Variants in TM4SF4 observed in about 807,000 individuals in gnomAD.
The protein encoded by TM4SF4 is transmembrane 4 L six family member 4.
A neutral mutation model predicts 24.1 loss-of-function variants in TM4SF4; 24 were observed. The ratio of observed to expected loss-of-function variants is 1.00; its 90% CI spans 0.72 to 1.40. The LOEUF is 1.40. Among genes scored for constraint, TM4SF4 ranks in the 40% most tolerant of loss-of-function variants. The probability of loss-of-function intolerance (pLI) is 0.00; values close to 1 mark genes in which losing one functional copy is unlikely to be tolerated. For missense variants in TM4SF4, 254 were observed against 254.2 expected (o/e 1.00, Z 0.01); for synonymous variants, 113 against 97.0 (o/e 1.17, Z -0.97).
chr3:149,477,462 G>C (rs886756124), intron 2 of TM4SF4, among the ~76,000 whole-genome samples: 8 of 152,200 alleles, frequency 5.3e-5, no homozygotes, highest in African/African-American at 1.9e-4. Context: ...TTCCTAAAGG[G>C]AAAGGTGCAT....
chr3:149,502,192 G>A (rs1734440563), intron 4 of TM4SF4, among the ~76,000 whole-genome samples: 1 of 152,040 alleles, frequency 6.6e-6, no homozygotes, highest in East Asian at 1.9e-4. Flanking sequence ...ACTTGTTAGT[G>A]GTGGCTTTCC....
chr3:149,491,543 G>A (rs762911315), intron 3 of TM4SF4, among the ~76,000 whole-genome samples: 6 of 151,524 alleles, frequency 4.0e-5, no homozygotes, highest in Non-Finnish European at 7.4e-5. Flanking sequence ...ATCTACATAT[G>A]CACATATCTA....
chr3:149,498,949 G>A, intron 4 of TM4SF4, 38 bp downstream of exon 4: 12 of 1,608,772 alleles, frequency 7.5e-6, no homozygotes, highest in South Asian at 1.1e-5. Context: ...TCAGCATGAG[G>A]GAGGCCAGGT....
intron 2 of TM4SF4, among the ~76,000 whole-genome samples, chr3:149,480,800 G>A (rs1174374525): frequency 1.3e-5 from 2 of 151,846 alleles, no homozygotes; most frequent in African/African-American, 2.4e-5. Flanking sequence ...CTTTTTTCCA[G>A]ATGTTTTCTC....
intron 4 of TM4SF4, among the ~76,000 whole-genome samples, chr3:149,501,728 C>T (rs189852631): frequency 6.6e-6 from 1 of 152,346 alleles, no homozygotes; most frequent in Non-Finnish European, 1.5e-5. Context: ...AGCAAGCTGA[C>T]TAACTTCTCA....
At chr3:149,475,095 T>C (rs1733903830) in intron 1 of TM4SF4, 44 bp downstream of exon 1, 1 of 1,563,312 alleles carries the variant, frequency 6.4e-7, no homozygotes, top group Non-Finnish European at 8.6e-7. Context: ...GATTTTCCCT[T>C]CCCCACAATC....
At chr3:149,487,980 C>T (rs770431615) in intron 3 of TM4SF4, among the ~76,000 whole-genome samples, 2 of 152,202 alleles carry the variant, frequency 1.3e-5, no homozygotes, top group African/African-American at 4.8e-5. Context: ...TAAAAGAGGA[C>T]GGATGCCTCC....
intron 3 of TM4SF4, 43 bp from the exon 4 acceptor site, chr3:149,498,679 C>T (rs1376209731): frequency 6.3e-7 from 1 of 1,582,784 alleles, no homozygotes; most frequent in East Asian, 2.2e-5. Context: ...GGGAATTGCA[C>T]ACTTTTTACA....
intron 2 of TM4SF4, among the ~76,000 whole-genome samples, chr3:149,476,806 TTGTTTTTG>T (rs1560028138): frequency 1.6e-4 from 9 of 55,414 alleles, no homozygotes; most frequent in Non-Finnish European, 4.1e-4. Flanking sequence ...TTTTTTGTTT[TTGTTTTTG>T]TTTTTTTTTT....
At chr3:149,498,123 G>A (rs1011880391) in intron 3 of TM4SF4, among the ~76,000 whole-genome samples, 1 of 152,174 alleles carries the variant, frequency 6.6e-6, no homozygotes, top group African/African-American at 2.4e-5. Flanking sequence ...CAAAAATATA[G>A]TGAGTCAAAT....
chr3:149,491,216 T>C (rs1214480305), intron 3 of TM4SF4, among the ~76,000 whole-genome samples: 1 of 148,792 alleles, frequency 6.7e-6, no homozygotes, highest in Non-Finnish European at 1.5e-5. Flanking sequence ...GATGCTGAGG[T>C]GGAAGGATTG....
rs1733892766 is a variant in TM4SF4 at position 149,474,775 on chromosome 3, G to A, written c.-103G>A. The stretch of plus-strand genomic sequence containing the variant: ...TCAGCCCCAAAATACTGATTGAATT[G>A]GAGACAATTACAAGGACTCTCTGGC... On this transcript the variant is annotated 5_prime_UTR_variant, in exon 1 of 5. Coordinates refer to ENST00000305354, the MANE Select transcript of TM4SF4 (RefSeq NM_004617.4). 6.4e-6 allele frequency: 8 copies of A among 1,251,994 alleles called. No homozygotes were observed. The South Asian group carries it at 8.3e-5, about 13-fold the overall frequency. The allele number at this position is 1,251,994 out of a possible 1,614,324, so 77.6% of individuals were successfully genotyped here.
chr3:149,474,842 G>A lies in TM4SF4; in HGVS notation c.-36G>A, dbSNP rs1338534848. 4 of 1,575,896 alleles carry A rather than the reference G, an allele frequency of 2.5e-6. No individual in the cohort carries two copies. In the Admixed American group the frequency reaches 7.9e-5, roughly 31 times the overall value. ...GGCCCCGTGAAGGAGGCAGTGAGGA[G>A]CTTTTGATTGCTGACCTGTGTCGTA... On this transcript the variant is annotated 5_prime_UTR_variant, in exon 1 of 5. Coordinates refer to ENST00000305354, the MANE Select transcript of TM4SF4 (RefSeq NM_004617.4).
intron 4 of TM4SF4, among the ~76,000 whole-genome samples, chr3:149,499,389 G>A (rs527588552): frequency 3.3e-5 from 5 of 152,150 alleles, no homozygotes; most frequent in Admixed American, 3.3e-4. Flanking sequence ...AGAAAAAGAG[G>A]TAGTTCTTAT....
In TM4SF4 at chr3:149,484,783, A is replaced by G. The variant is rs540338818; in HGVS notation, c.265-2836A>G. Among the ~76,000 whole-genome samples, 398 of 152,086 alleles carry G rather than the reference A, an allele frequency of 2.6e-3. 2 individuals are homozygous for G. The highest frequency in any genetic ancestry group is 8.1e-3 in the African/African-American group (335 of 41,480). On this transcript the variant is annotated intron_variant, in intron 2 of 4. Transcript: ENST00000305354. Reference sequence around the variant, plus strand: ...TGGCCAGGCTGGTCTGGAACTCCTGACCTCGTGATCCACCAGCCTCGGCCC... The same window carrying G: ...TGGCCAGGCTGGTCTGGAACTCCTGGCCTCGTGATCCACCAGCCTCGGCCC...
chr3:149,479,756 G>C (rs1198290578), intron 2 of TM4SF4, among the ~76,000 whole-genome samples: 1 of 152,208 alleles, frequency 6.6e-6, no homozygotes, highest in South Asian at 2.1e-4. Context: ...GCCACCAGCT[G>C]CTGGGCTGAA....
intron 3 of TM4SF4, among the ~76,000 whole-genome samples, chr3:149,497,747 C>T (rs1348708550): frequency 6.6e-6 from 1 of 152,134 alleles, no homozygotes; most frequent in Non-Finnish European, 1.5e-5. Flanking sequence ...CGGGTTCAAG[C>T]AATTCTCCAG....
At chr3:149,492,479 T>C (rs1333489458) in intron 3 of TM4SF4, among the ~76,000 whole-genome samples, 1 of 152,130 alleles carries the variant, frequency 6.6e-6, no homozygotes, top group African/African-American at 2.4e-5. Context: ...ATCCAAGGTC[T>C]TCCTCCCTGA....
intron 3 of TM4SF4, among the ~76,000 whole-genome samples, chr3:149,494,114 ACC>A (rs1576521732): frequency 6.6e-6 from 1 of 152,004 alleles, no homozygotes; most frequent in Admixed American, 6.6e-5. Context: ...AAAACTGAGG[ACC>A]CCTCTCTCCC....
Sources: gnomAD v4.1 joint callset for allele counts (sites outside exome capture counted in the v4.1 genomes callset) on GRCh38, gnomAD v4.1.1 for gene constraint, MANE v1.5 for transcripts, NCBI Gene and HGNC (gene_info 2026-07-23, HGNC 2026-07-21) for gene names.